CTNNA2: variants seen among roughly 807,000 people sequenced by gnomAD.
CTNNA2 encodes the protein catenin alpha-2.
In CTNNA2, 42 loss-of-function variants were observed where a neutral mutation model predicts 101.0. The ratio of observed to expected loss-of-function variants is 0.42; its 90% CI spans 0.32 to 0.54. CTNNA2 has a LOEUF of 0.54. Among genes scored for constraint, CTNNA2 ranks in the 20% least tolerant of loss-of-function variants. The pLI is 0.14. For missense variants in CTNNA2, 871 were observed against 1,223.1 expected (o/e 0.71, Z 4.29); for synonymous variants, 450 against 456.4 (o/e 0.99, Z 0.18).
At chr2:80,162,691 T>C in intron 7 of CTNNA2, 1 of 1,613,098 alleles carries the variant, frequency 6.2e-7, no homozygotes, top group Non-Finnish European at 8.5e-7. Context: ...CACTGGGAGC[T>C]TGAAGACTGA....
At chr2:80,635,644 T>C (rs1672794526) in intron 18 of CTNNA2, among the ~76,000 whole-genome samples, 1 of 152,176 alleles carries the variant, frequency 6.6e-6, no homozygotes, top group Non-Finnish European at 1.5e-5. Flanking sequence ...GGAGCAATGA[T>C]TGCACAGGTG....
At chr2:80,189,212 C>T (rs1706320006) in intron 7 of CTNNA2, among the ~76,000 whole-genome samples, 1 of 152,134 alleles carries the variant, frequency 6.6e-6, no homozygotes, top group Non-Finnish European at 1.5e-5. Flanking sequence ...CCTTGGCCTT[C>T]CAAAGTGCTG....
At chr2:79,513,312 C>G (rs1671629870) in intron 1 of CTNNA2, 105 bp downstream of exon 1, 2 of 148,866 alleles carry the variant, frequency 1.3e-5, no homozygotes, top group South Asian at 4.3e-4. Context: ...AACCCTCCCT[C>G]CCTCATCCTT....
chr2:79,259,726 G>A (rs1200224197), intron 2 of CTNNA2, among the ~76,000 whole-genome samples: 2 of 152,174 alleles, frequency 1.3e-5, no homozygotes, highest in Non-Finnish European at 1.5e-5. Context: ...CTGATTGTCA[G>A]AGTGACCTTT....
At chr2:79,522,795 A>G (rs768406455) in intron 1 of CTNNA2, among the ~76,000 whole-genome samples, 2 of 152,218 alleles carry the variant, frequency 1.3e-5, no homozygotes, top group Non-Finnish European at 2.9e-5. Context: ...GGCTGGGAGT[A>G]GAGAAATATT....
intron 7 of CTNNA2, among the ~76,000 whole-genome samples, chr2:80,297,493 G>T (rs550541676): frequency 1.3e-5 from 2 of 152,198 alleles, no homozygotes; most frequent in African/African-American, 4.8e-5. Flanking sequence ...TTATATCTTT[G>T]TCTAAATTGT....
intron 1 of CTNNA2, among the ~76,000 whole-genome samples, chr2:79,603,557 T>C (rs1677686681): frequency 6.6e-6 from 1 of 151,518 alleles, no homozygotes. Flanking sequence ...GGAAGCAATC[T>C]CATAATTTAA....
intron 4 of CTNNA2, among the ~76,000 whole-genome samples, chr2:79,487,632 C>T (rs1671170439): frequency 6.6e-6 from 1 of 152,144 alleles, no homozygotes; most frequent in South Asian, 2.1e-4. Flanking sequence ...CAGCTGAGCT[C>T]TCAGCCTTCA....
At position 80,498,301 on chromosome 2, in the gene CTNNA2, T is replaced by G. The variant is rs542626730; in HGVS notation, c.1291-46681T>G. Among the ~76,000 whole-genome samples the G allele has an allele frequency of 2.4e-4, 37 of 152,332 alleles. No individual in the cohort carries two copies. The South Asian group carries it at 7.2e-3, about 30-fold the overall frequency. ...ACATGACTTTCTAGATGAGCCTAGC[T>G]GAGCTATTACTGATTTCGTGGAGCA... On this transcript the variant is annotated intron_variant, in intron 9 of 18. Coordinates refer to ENST00000402739, the MANE Select transcript of CTNNA2 (RefSeq NM_001282597.3).
chr2:79,238,150 A>G (rs1674580805), intron 2 of CTNNA2, among the ~76,000 whole-genome samples: 1 of 152,100 alleles, frequency 6.6e-6, no homozygotes, highest in Admixed American at 6.6e-5. Flanking sequence ...TCATCTGAAA[A>G]CTTATAGGTC....
intron 2 of CTNNA2, among the ~76,000 whole-genome samples, chr2:79,680,015 G>A (rs1427281252): frequency 2.0e-5 from 3 of 152,070 alleles, no homozygotes; most frequent in East Asian, 1.9e-4. Flanking sequence ...GCAACAAATC[G>A]GGAAAGGGGG....
intron 7 of CTNNA2, among the ~76,000 whole-genome samples, chr2:79,965,827 C>CAAAA (rs10686940): frequency 2.0e-3 from 159 of 77,954 alleles, no homozygotes; most frequent in African/African-American, 5.2e-3. Context: ...GAGACTATGT[C>CAAAA]AAAAAAAAAA....
At chr2:80,036,724 G>A (rs1175375613) in intron 7 of CTNNA2, among the ~76,000 whole-genome samples, 1 of 152,080 alleles carries the variant, frequency 6.6e-6, no homozygotes, top group African/African-American at 2.4e-5. Context: ...CCTGGTGGGT[G>A]GGGAAGCCAA....
At chr2:79,305,353 CATATAT>C (rs1676213103) in intron 2 of CTNNA2, among the ~76,000 whole-genome samples, 1 of 137,540 alleles carries the variant, frequency 7.3e-6, no homozygotes. Context: ...CATACATATA[CATATAT>C]ACATATATAT....
chr2:80,537,206 G>A (rs940494111), intron 9 of CTNNA2, among the ~76,000 whole-genome samples: 15 of 152,216 alleles, frequency 9.9e-5, no homozygotes, highest in African/African-American at 2.9e-4. Context: ...TTAGTTTGCT[G>A]AGAATGATGG....
intron 3 of CTNNA2, among the ~76,000 whole-genome samples, chr2:79,814,903 G>T (rs1408154016): frequency 1.3e-5 from 2 of 152,124 alleles, no homozygotes; most frequent in African/African-American, 4.8e-5. Context: ...CAGTGTAGAA[G>T]TGTTCCCTGA....
At chr2:80,017,003 A>C (rs1238514173) in intron 7 of CTNNA2, among the ~76,000 whole-genome samples, 1 of 152,196 alleles carries the variant, frequency 6.6e-6, no homozygotes, top group Non-Finnish European at 1.5e-5. Flanking sequence ...ATTATAAGGA[A>C]CAGGATCCTG....
chr2:79,308,694 G>A (rs186951854), intron 2 of CTNNA2, among the ~76,000 whole-genome samples: 1 of 151,474 alleles, frequency 6.6e-6, no homozygotes, highest in African/African-American at 2.4e-5. Context: ...GGTGAGAGGT[G>A]GGAGTCTGGT....
intron 5 of CTNNA2, among the ~76,000 whole-genome samples, chr2:79,506,984 G>T (rs1364062736): frequency 6.6e-6 from 1 of 152,158 alleles, no homozygotes; most frequent in Non-Finnish European, 1.5e-5. Context: ...CGGCTATTCA[G>T]TTAGCTTGGG....
Sources: gnomAD v4.1 joint callset for allele counts (sites outside exome capture counted in the v4.1 genomes callset) on GRCh38, gnomAD v4.1.1 for gene constraint, MANE v1.5 for transcripts, NCBI Gene and HGNC (gene_info 2026-07-23, HGNC 2026-07-21) for gene names.